The following CCNB3 variants were observed in gnomAD, a reference collection of about 807,000 sequenced individuals.
The protein encoded by CCNB3 is G2/mitotic-specific cyclin-B3.
A neutral mutation model predicts 68.0 loss-of-function variants in CCNB3; 12 were observed. The observed-to-expected ratio is 0.18, with a 90% CI of 0.11 to 0.29. The LOEUF (loss-of-function observed/expected upper bound fraction) is 0.29, where lower values mean the gene tolerates loss of function less well. CCNB3 is among the 10% of genes least tolerant of loss of function. CCNB3 has a pLI of 1.00. For synonymous variants in CCNB3, 354 were observed against 388.9 expected, an observed-to-expected ratio of 0.91 and a Z score of 1.06; for missense variants, 904 against 993.1, an observed-to-expected ratio of 0.91 and a Z score of 1.21.
intron 8 of CCNB3, among the ~76,000 whole-genome samples, chrX:50,331,382 A>C (rs1922587401): frequency 9.0e-6 from 1 of 110,844 alleles, no homozygotes; most frequent in Non-Finnish European, 1.9e-5. Context: ...TGTGATTTGA[A>C]CTCCACCAAG....
At position 50,310,020 on chromosome X, in the gene CCNB3, C is replaced by T; in HGVS notation, c.1851C>T (p.Phe617=). ...LQKITSEEES[F]YKKLLPFKMK... is the part of the protein sequence containing the mutation. ...AGATCACTTCTGAGGAGGAGTCATTCTATAAGAAGCTGTTGCCCTTTAAGA... is the reference window on the plus strand; with the variant it reads ...AGATCACTTCTGAGGAGGAGTCATTTTATAAGAAGCTGTTGCCCTTTAAGA... Residue 617 remains phenylalanine (F), a synonymous_variant, in exon 6 of 13, where the codon TTC becomes TTT. Coordinates refer to ENST00000376042, the MANE Select transcript of CCNB3 (RefSeq NM_033031.3). 1 of 1,209,669 alleles carries T rather than the reference C, an allele frequency of 8.3e-7. No homozygotes were observed.
At chrX:50,227,957 A>G (rs1935938022) in intron 1 of CCNB3, among the ~76,000 whole-genome samples, 3 of 86,428 alleles carry the variant, frequency 3.5e-5, no homozygotes, top group African/African-American at 1.3e-4. Context: ...TAGAGAGAAT[A>G]TATATATAAA....
intron 8 of CCNB3, among the ~76,000 whole-genome samples, chrX:50,323,973 T>G (rs1557216934): frequency 8.9e-6 from 1 of 112,584 alleles, no homozygotes; most frequent in African/African-American, 3.2e-5. Flanking sequence ...ATTGGCCTAG[T>G]AAGGTTTTCT....
At chrX:50,305,941 C>CT (rs782315666) in intron 5 of CCNB3, among the ~76,000 whole-genome samples, 186 of 81,180 alleles carry the variant, frequency 2.3e-3, no homozygotes, top group African/African-American at 4.2e-3. Flanking sequence ...ACCACACCAG[C>CT]TTTTTTTTTT....
intron 1 of CCNB3, among the ~76,000 whole-genome samples, chrX:50,226,145 T>C (rs1211420859): frequency 2.7e-5 from 2 of 75,295 alleles, no homozygotes; most frequent in Non-Finnish European, 4.7e-5. Context: ...AAATATATAT[T>C]CTATATATAT....
intron 5 of CCNB3, among the ~76,000 whole-genome samples, chrX:50,298,723 G>T (rs1334052859): frequency 3.6e-5 from 4 of 111,296 alleles, no homozygotes; most frequent in African/African-American, 1.3e-4. Flanking sequence ...GCTCCTCCTT[G>T]TACCTCTGGT....
At chrX:50,297,068 A>G (rs1156647238) in intron 5 of CCNB3, among the ~76,000 whole-genome samples, 1 of 111,096 alleles carries the variant, frequency 9.0e-6, no homozygotes, top group Non-Finnish European at 1.9e-5. Flanking sequence ...ATTTTCTCCC[A>G]TTCTGTAGGT....
intron 1 of CCNB3, among the ~76,000 whole-genome samples, chrX:50,226,430 T>C (rs1935804695): frequency 1.8e-5 from 1 of 56,110 alleles, no homozygotes; most frequent in Non-Finnish European, 3.0e-5. Flanking sequence ...ATGTAGAATA[T>C]ATAAAAATAT....
intron 9 of CCNB3, among the ~76,000 whole-genome samples, chrX:50,344,679 T>C (rs1557220048): frequency 8.9e-6 from 1 of 111,868 alleles, no homozygotes; most frequent in East Asian, 2.8e-4. Flanking sequence ...AACAAAGCAT[T>C]GCCTAACCAG....
chrX:50,309,201 C>A lies in CCNB3; in HGVS notation c.1032C>A (p.Ser344=). ...QEKHTTEHEM[S]ILKKSLALQK... ...AACACACCACTGAGCATGAGATGTC[C>A]ATCTTGAAGAAATCATTGGCCTTGC... Residue 344 remains serine, a synonymous_variant, in exon 6 of 13, where the codon TCC becomes TCA. Transcript: ENST00000376042. 5 of 1,209,425 alleles carry A rather than the reference C, an allele frequency of 4.1e-6. No individual in the cohort carries two copies. Among genetic ancestry groups the A allele is most frequent in the Non-Finnish European group, 4.5e-6 (4 of 893,816 alleles).
chrX:50,302,115 G>A (rs927776074), intron 5 of CCNB3, among the ~76,000 whole-genome samples: 2 of 112,292 alleles, frequency 1.8e-5, no homozygotes, highest in African/African-American at 3.2e-5. Context: ...GCTTCAACTC[G>A]TGCATGGTGC....
chrX:50,294,862 G>A lies in CCNB3; in HGVS notation c.205-1G>A. Reference sequence around the variant, plus strand: ...CCCCCAACCCACCTTTTTTTTTGCAGGCTTCTCAATGTCAACCTGTCCAGC... The same window carrying A: ...CCCCCAACCCACCTTTTTTTTTGCAAGCTTCTCAATGTCAACCTGTCCAGC... On this transcript the variant is annotated splice_acceptor_variant, in intron 4 of 12. Coordinates refer to ENST00000376042, the MANE Select transcript of CCNB3 (RefSeq NM_033031.3). LOFTEE classifies it high-confidence loss of function. 3.4e-6 allele frequency: 4 copies of A among 1,182,926 alleles called. No individual in the cohort carries two copies. The highest frequency in any genetic ancestry group is 4.5e-6 in the Non-Finnish European group (4 of 883,927).
At chrX:50,226,264 A>ATATAGAATATATATATTTATATT (rs1935784329) in intron 1 of CCNB3, among the ~76,000 whole-genome samples, 1 of 67,533 alleles carries the variant, frequency 1.5e-5, no homozygotes, top group Non-Finnish European at 2.4e-5. Flanking sequence ...ATATTTATAT[A>ATATAGAATATATATATTTATATT]TATAGAATAT....
intron 8 of CCNB3, among the ~76,000 whole-genome samples, chrX:50,316,296 T>G (rs1381869348): frequency 6.3e-5 from 7 of 111,812 alleles, no homozygotes; most frequent in Non-Finnish European, 9.4e-5. Context: ...CTCTTTTCTT[T>G]ATAAATTACC....
chrX:50,228,613 A>T (rs1313572287), intron 1 of CCNB3, among the ~76,000 whole-genome samples: 1 of 86,725 alleles, frequency 1.2e-5, no homozygotes, highest in East Asian at 3.3e-4. Context: ...TATAGAATAT[A>T]TAGAATATAT....
intron 5 of CCNB3, among the ~76,000 whole-genome samples, chrX:50,303,116 C>A (rs930831555): frequency 1.8e-5 from 2 of 110,389 alleles, no homozygotes; most frequent in Non-Finnish European, 3.8e-5. Flanking sequence ...AATGGTATAG[C>A]CACTGTGGAA....
chrX:50,226,295 TATATATATAGAAATATATAAAC>T (rs1359617542), intron 1 of CCNB3, among the ~76,000 whole-genome samples: 4 of 58,120 alleles, frequency 6.9e-5, no homozygotes, highest in Admixed American at 3.0e-4. Flanking sequence ...ATATATAGAA[TATATATATAGAAATATATAAAC>T]ATATATATAG....
At chrX:50,222,027 CTTCT>C (rs1165678282) in intron 1 of CCNB3, among the ~76,000 whole-genome samples, 2 of 110,742 alleles carry the variant, frequency 1.8e-5, no homozygotes, top group Non-Finnish European at 3.8e-5. Flanking sequence ...ATGTAATGCC[CTTCT>C]TTGTTTTTTT....
At chrX:50,302,316 C>T (rs1936663202) in intron 5 of CCNB3, among the ~76,000 whole-genome samples, 1 of 112,048 alleles carries the variant, frequency 8.9e-6, no homozygotes, top group African/African-American at 3.2e-5. Flanking sequence ...CTCACAAATG[C>T]CATAAACATT....
Sources: gnomAD v4.1 joint callset for allele counts (sites outside exome capture counted in the v4.1 genomes callset) on GRCh38, gnomAD v4.1.1 for gene constraint, MANE v1.5 for transcripts, NCBI Gene and HGNC (gene_info 2026-07-23, HGNC 2026-07-21) for gene names.